Variants in NKAIN3 observed in about 807,000 individuals in gnomAD.
NKAIN3 encodes sodium/potassium-transporting ATPase subunit beta-1-interacting protein 3.
A neutral mutation model predicts 30.2 loss-of-function variants in NKAIN3; 25 were observed. The observed-to-expected ratio is 0.83, with a 90% CI of 0.60 to 1.16. The LOEUF (loss-of-function observed/expected upper bound fraction) is 1.16, where lower values mean the gene tolerates loss of function less well. NKAIN3 is among the 50% of genes most tolerant of loss of function. The pLI, the probability that NKAIN3 is intolerant of heterozygous loss-of-function variation, is 0.00. For synonymous variants in NKAIN3, 91 were observed against 89.6 expected (o/e 1.02, Z -0.09); for missense variants, 225 against 254.1 (o/e 0.89, Z 0.78).
intron 4 of NKAIN3, among the ~76,000 whole-genome samples, chr8:62,886,123 A>T (rs1382848324): frequency 6.7e-6 from 1 of 150,120 alleles, no homozygotes; most frequent in East Asian, 1.9e-4. Flanking sequence ...ATATAAGTTT[A>T]TTCTCCTTTC....
intron 1 of NKAIN3, among the ~76,000 whole-genome samples, chr8:62,443,306 G>A (rs571531678): frequency 2.1e-4 from 32 of 151,876 alleles, no homozygotes; most frequent in African/African-American, 6.3e-4. Context: ...ATTATCTTTC[G>A]TAGTATTATA....
chr8:62,905,777 T>A (rs1304698909), intron 4 of NKAIN3, among the ~76,000 whole-genome samples: 1 of 152,148 alleles, frequency 6.6e-6, no homozygotes, highest in Non-Finnish European at 1.5e-5. Flanking sequence ...TCCTTTTTGG[T>A]CTCTTTTGCT....
At chr8:62,892,348 A>G (rs1294535876) in intron 4 of NKAIN3, among the ~76,000 whole-genome samples, 1 of 152,332 alleles carries the variant, frequency 6.6e-6, no homozygotes, top group Admixed American at 6.5e-5. Context: ...TGCTTCCATC[A>G]TAGTGTTAAA....
chr8:62,747,073 A>G lies in NKAIN3; in HGVS notation c.415A>G (p.Ile139Val). The G allele has an allele frequency of 1.2e-6, 2 of 1,613,806 alleles. No individual in the cohort carries two copies. Among genetic ancestry groups the G allele is most frequent in the Non-Finnish European group, 1.7e-6 (2 of 1,179,720 alleles). ...DYTYVSVTGC[I>V]VDFQYLEVIH... ...CACGTACGTCTCTGTCACAGGCTGC[A>G]TCGTTGACTTCCAGTACCTGGAGGT... The change falls in exon 4 of 7, where the codon ATC becomes GTC. Residue 139 changes from isoleucine to valine, a missense_variant. Ile to Val is a conservative substitution (Grantham distance 29). Transcript: ENST00000623646.
chr8:62,929,978 C>G (rs1223386096), intron 5 of NKAIN3, among the ~76,000 whole-genome samples: 2 of 152,150 alleles, frequency 1.3e-5, no homozygotes, highest in African/African-American at 4.8e-5. Flanking sequence ...CTACATAGAA[C>G]TTTAAGTATT....
At chr8:62,625,881 G>A (rs1157668855) in intron 3 of NKAIN3, among the ~76,000 whole-genome samples, 2 of 151,880 alleles carry the variant, frequency 1.3e-5, no homozygotes, top group East Asian at 1.9e-4. Context: ...AATAATTATT[G>A]AACACTTACT....
chr8:62,589,974 T>C (rs543382496), intron 3 of NKAIN3, among the ~76,000 whole-genome samples, 180 bp downstream of exon 3: 1 of 151,160 alleles, frequency 6.6e-6, no homozygotes, highest in Admixed American at 6.6e-5. Context: ...GAAAGAATGA[T>C]CTTAGGAGTG....
Position 62,972,908 on chromosome 8 carries a change from G to A in NKAIN3, c.*7501G>A, listed in dbSNP as rs980448183. ...TTCTCATTGTTCAACTCCCACTTAA[G>A]AGTAAGAATATGCAGTGTTTGTTTT... On this transcript the variant is annotated 3_prime_UTR_variant, in exon 7 of 7. Transcript: ENST00000623646. Among the ~76,000 whole-genome samples, 4 of 130,882 alleles carry A rather than the reference G, an allele frequency of 3.1e-5. No homozygotes were observed. The highest frequency in any genetic ancestry group is 1.2e-4 in the African/African-American group (4 of 33,160). The allele number at this position is 130,882 out of a possible 152,430, so 85.9% of individuals were successfully genotyped here.
At chr8:62,504,057 C>T (rs371106102) in intron 1 of NKAIN3, among the ~76,000 whole-genome samples, 21 of 152,330 alleles carry the variant, frequency 1.4e-4, no homozygotes, top group African/African-American at 3.6e-4. Flanking sequence ...TCTGCCACGG[C>T]GCCAGCCGGT....
intron 3 of NKAIN3, among the ~76,000 whole-genome samples, chr8:62,678,851 A>G (rs1470054747): frequency 1.3e-5 from 2 of 152,184 alleles, no homozygotes; most frequent in Non-Finnish European, 2.9e-5. Flanking sequence ...GTGATTTATC[A>G]CATAACACAT....
intron 3 of NKAIN3, among the ~76,000 whole-genome samples, chr8:62,737,542 T>C (rs1815713960): frequency 6.6e-6 from 1 of 152,100 alleles, no homozygotes. Flanking sequence ...GCTTTGTCTT[T>C]AGAATCACAC....
intron 4 of NKAIN3, among the ~76,000 whole-genome samples, chr8:62,830,949 G>A (rs944251422): frequency 6.6e-6 from 1 of 152,176 alleles, no homozygotes; most frequent in Admixed American, 6.5e-5. Context: ...CCTCCCCACA[G>A]GGATGAGCAA....
intron 3 of NKAIN3, among the ~76,000 whole-genome samples, chr8:62,659,023 A>C (rs899211690): frequency 2.0e-5 from 3 of 152,156 alleles, no homozygotes; most frequent in Non-Finnish European, 4.4e-5. Flanking sequence ...CCGCTCATTC[A>C]TATGGAAATT....
intron 3 of NKAIN3, among the ~76,000 whole-genome samples, chr8:62,715,261 A>AC (rs1814857715): frequency 4.6e-5 from 7 of 152,266 alleles, no homozygotes; most frequent in African/African-American, 1.7e-4. Context: ...GGGTGGGGAC[A>AC]TAAATCGAAA....
At position 62,979,865 on chromosome 8, in the gene NKAIN3, G is replaced by A. The variant is rs780016042; in HGVS notation, c.*14458G>A. The A allele has an allele frequency of 2.0e-5, 3 of 152,266 alleles. No individual in the cohort carries two copies. Among genetic ancestry groups the A allele is most frequent in the Non-Finnish European group, 4.4e-5 (3 of 68,080 alleles). 9.4% of individuals were successfully genotyped at this position (152,266 alleles called of 1,614,324 possible). ...TGGACCCTGCTAATCAAGGCTACAG[G>A]GCAGCTGCAGAAAGACACCTGCTAT... On this transcript the variant is annotated 3_prime_UTR_variant, in exon 7 of 7. Transcript: ENST00000623646.
chr8:62,635,816 A>G (rs906585209), intron 3 of NKAIN3, among the ~76,000 whole-genome samples: 3 of 152,164 alleles, frequency 2.0e-5, no homozygotes, highest in South Asian at 2.1e-4. Flanking sequence ...GTATTTTGTT[A>G]TAGCAGCCTA....
chr8:62,934,837 A>C (rs1398092138), intron 5 of NKAIN3, among the ~76,000 whole-genome samples: 1 of 152,116 alleles, frequency 6.6e-6, no homozygotes, highest in Non-Finnish European at 1.5e-5. Context: ...CTACTGGGGA[A>C]AAAACGGGGT....
At chr8:62,588,093 A>G (rs543605905) in intron 2 of NKAIN3, among the ~76,000 whole-genome samples, 16 of 151,810 alleles carry the variant, frequency 1.1e-4, no homozygotes, top group Non-Finnish European at 1.8e-4. Flanking sequence ...ATCTTTTTCA[A>G]TGGCTTTTTT....
chr8:62,701,603 C>T (rs1007655745), intron 3 of NKAIN3, among the ~76,000 whole-genome samples: 5 of 152,040 alleles, frequency 3.3e-5, no homozygotes, highest in Non-Finnish European at 7.4e-5. Flanking sequence ...AATGGGGTCG[C>T]TAGAATGCTA....
Sources: gnomAD v4.1 joint callset for allele counts (sites outside exome capture counted in the v4.1 genomes callset) on GRCh38, gnomAD v4.1.1 for gene constraint, MANE v1.5 for transcripts, NCBI Gene and HGNC (gene_info 2026-07-23, HGNC 2026-07-21) for gene names.